SOS2: variants seen among roughly 807,000 people sequenced by gnomAD.
SOS2 encodes SOS Ras/Rho guanine nucleotide exchange factor 2, also known as son of sevenless homolog 2.
In SOS2, 65 loss-of-function variants were observed where a neutral mutation model predicts 148.2. That is an observed-to-expected ratio of 0.44 (90% CI 0.36 to 0.54). The LOEUF (loss-of-function observed/expected upper bound fraction) is 0.54. SOS2 is among the 20% of genes least tolerant of loss of function. SOS2 has a pLI of 0.00. For missense variants in SOS2, 1,341 were observed against 1,590.2 expected (o/e 0.84, Z 2.67); for synonymous variants, 539 against 537.1 (o/e 1.00, Z -0.05).
At position 50,218,830 on chromosome 14, in the gene SOS2, A is replaced by G. The variant is rs980888296; in HGVS notation, c.87+12367T>C. 5.9e-5 allele frequency among the ~76,000 whole-genome samples: 9 copies of G among 152,290 alleles called. 1 individual carries two copies. Among genetic ancestry groups the G allele is most frequent in the Middle Eastern group, 3.4e-3 (1 of 294 alleles). ...AGTTTGAAAGTTTCTTAAAAAGTTAAGCAGCCAGGCGTGGTGGCTCATGGC... is the reference window on the plus strand; with the variant it reads ...AGTTTGAAAGTTTCTTAAAAAGTTAGGCAGCCAGGCGTGGTGGCTCATGGC... On this transcript the variant is annotated intron_variant, in intron 1 of 22. Coordinates refer to ENST00000216373, the MANE Select transcript of SOS2 (RefSeq NM_006939.4).
intron 21 of SOS2, among the ~76,000 whole-genome samples, chr14:50,120,736 C>CTTTTTT (rs34012845): frequency 1.0e-4 from 11 of 107,486 alleles, no homozygotes; most frequent in East Asian, 2.9e-4. Flanking sequence ...AATCAGAGAC[C>CTTTTTT]TTTTTTTTTT....
chr14:50,164,944 C>T (rs149703689), intron 8 of SOS2, among the ~76,000 whole-genome samples: 63 of 152,276 alleles, frequency 4.1e-4, no homozygotes, highest in African/African-American at 1.5e-3. Flanking sequence ...CTTCATCATT[C>T]TGTGTGCCAG....
At chr14:50,185,552 C>T (rs1465281966) in intron 5 of SOS2, among the ~76,000 whole-genome samples, 2 of 151,916 alleles carry the variant, frequency 1.3e-5, no homozygotes, top group Non-Finnish European at 2.9e-5. Flanking sequence ...ATTAGCCAGG[C>T]GTGGTGGTGC....
At chr14:50,205,758 TA>T (rs1258558389) in intron 1 of SOS2, among the ~76,000 whole-genome samples, 1 of 151,940 alleles carries the variant, frequency 6.6e-6, no homozygotes, top group East Asian at 1.9e-4. Context: ...ATGGTGAAAC[TA>T]AAAATACAAA....
At chr14:50,134,556 C>A (rs949265957) in intron 18 of SOS2, among the ~76,000 whole-genome samples, 2 of 152,096 alleles carry the variant, frequency 1.3e-5, no homozygotes, top group Admixed American at 6.6e-5. Context: ...TTTACTCCTA[C>A]TCATTGTAAC....
chr14:50,189,649 C>T (rs930191044), intron 4 of SOS2, among the ~76,000 whole-genome samples: 5 of 152,012 alleles, frequency 3.3e-5, no homozygotes, highest in Admixed American at 6.6e-5. Flanking sequence ...TAGATCAGTG[C>T]GATGCATTTC....
chr14:50,212,272 G>A (rs1490745456), intron 1 of SOS2, among the ~76,000 whole-genome samples: 3 of 152,168 alleles, frequency 2.0e-5, no homozygotes, highest in African/African-American at 7.2e-5. Flanking sequence ...TCAAGAGATC[G>A]AGACCATCCT....
At chr14:50,191,218 A>G (rs1014287711) in intron 4 of SOS2, among the ~76,000 whole-genome samples, 3 of 152,094 alleles carry the variant, frequency 2.0e-5, no homozygotes, top group African/African-American at 7.2e-5. Context: ...CAATCTCAGC[A>G]CTTTGGGAGG....
intron 11 of SOS2, among the ~76,000 whole-genome samples, chr14:50,158,059 G>T (rs1032349399): frequency 6.6e-6 from 1 of 151,988 alleles, no homozygotes; most frequent in Non-Finnish European, 1.5e-5. Context: ...CATGGGGTGG[G>T]GTGTTTAAAT....
chr14:50,203,417 G>T (rs952765927), intron 2 of SOS2, among the ~76,000 whole-genome samples: 13 of 151,886 alleles, frequency 8.6e-5, no homozygotes, highest in African/African-American at 3.1e-4. Flanking sequence ...TTAGACATTT[G>T]TTTTTAGCAG....
chr14:50,152,596 T>C (rs776124871), intron 13 of SOS2, among the ~76,000 whole-genome samples: 2 of 152,360 alleles, frequency 1.3e-5, no homozygotes, highest in Middle Eastern at 3.4e-3. Flanking sequence ...ATGATTGGTC[T>C]AAACATATGT....
chr14:50,149,878 C>T (rs1884607229), intron 14 of SOS2, 130 bp downstream of exon 14: 2 of 682,448 alleles, frequency 2.9e-6, no homozygotes, highest in Non-Finnish European at 5.1e-6. Flanking sequence ...GTGCTATGAC[C>T]TTTCCTCTAA....
chr14:50,158,981 G>A (rs1248413021), intron 10 of SOS2, among the ~76,000 whole-genome samples: 1 of 151,914 alleles, frequency 6.6e-6, no homozygotes, highest in Admixed American at 6.6e-5. Flanking sequence ...TCAGGAGATC[G>A]AAACCATCCT....
At chr14:50,152,156 T>A (rs1884679144) in intron 13 of SOS2, among the ~76,000 whole-genome samples, 1 of 152,188 alleles carries the variant, frequency 6.6e-6, no homozygotes, top group Non-Finnish European at 1.5e-5. Flanking sequence ...AAAGAACAAG[T>A]AGAACACGAA....
intron 10 of SOS2, 52 bp from the exon 11 acceptor site, chr14:50,158,698 T>C (rs1396009097): frequency 8.4e-7 from 1 of 1,194,026 alleles, no homozygotes; most frequent in Non-Finnish European, 1.2e-6. Context: ...TTCAGTTTAA[T>C]TAACTCAAAG....
intron 5 of SOS2, among the ~76,000 whole-genome samples, chr14:50,187,558 C>A (rs572666817): frequency 1.3e-5 from 2 of 151,798 alleles, no homozygotes; most frequent in Non-Finnish European, 2.9e-5. Context: ...ACCGTGTTAG[C>A]CAGGATGGTC....
intron 8 of SOS2, among the ~76,000 whole-genome samples, chr14:50,163,871 C>T (rs1885088291): frequency 6.6e-6 from 1 of 152,160 alleles, no homozygotes; most frequent in African/African-American, 2.4e-5. Context: ...TCATTGTCTA[C>T]TTGGTCTTAA....
intron 8 of SOS2, among the ~76,000 whole-genome samples, chr14:50,171,863 T>C (rs1885377728): frequency 6.6e-6 from 1 of 152,164 alleles, no homozygotes; most frequent in Non-Finnish European, 1.5e-5. Flanking sequence ...AACCACAATT[T>C]ATTTACCCTT....
intron 5 of SOS2, among the ~76,000 whole-genome samples, chr14:50,185,107 C>A (rs190327262): frequency 1.3e-5 from 2 of 151,992 alleles, no homozygotes; most frequent in South Asian, 4.1e-4. Flanking sequence ...GTGAGCTGTT[C>A]GACCAAATTA....
Sources: gnomAD v4.1 joint callset for allele counts (sites outside exome capture counted in the v4.1 genomes callset) on GRCh38, gnomAD v4.1.1 for gene constraint, MANE v1.5 for transcripts, NCBI Gene and HGNC (gene_info 2026-07-23, HGNC 2026-07-21) for gene names.